CPAMD8: variants seen among roughly 807,000 people sequenced by gnomAD.
The protein encoded by CPAMD8 is C3 and PZP like alpha-2-macroglobulin domain containing 8, also known as C3 and PZP-like alpha-2-macroglobulin domain-containing protein 8.
CPAMD8 carries 146 observed loss-of-function variants against 224.7 expected under a neutral mutation model. The ratio of observed to expected loss-of-function variants is 0.65; its 90% confidence interval spans 0.57 to 0.75. The LOEUF is 0.75. Among genes scored for constraint, CPAMD8 ranks in the 30% least tolerant of loss-of-function variants. The pLI, the probability that CPAMD8 is intolerant of heterozygous loss-of-function variation, is 0.00. For missense variants in CPAMD8, 2,301 were observed against 2,537.5 expected (o/e 0.91, Z 2.00); for synonymous variants, 966 against 1,044.6 (o/e 0.92, Z 1.45).
chr19:16,918,331 G>C (rs974678702), intron 27 of CPAMD8, among the ~76,000 whole-genome samples: 1 of 151,858 alleles, frequency 6.6e-6, no homozygotes, highest in African/African-American at 2.4e-5. Context: ...TGATTACTTA[G>C]AACACCTAAT....
In CPAMD8 at chr19:16,989,730, C is replaced by T. The variant is rs771656726; in HGVS notation, c.1308G>A (p.Gln436=). 26 of 1,613,930 alleles carry T rather than the reference C, an allele frequency of 1.6e-5. No individual in the cohort carries two copies. In the African/African-American group the frequency reaches 1.9e-4, roughly 12 times the overall value. Residue 436 remains glutamine, a synonymous_variant, in exon 13 of 42, where the codon CAG becomes CAA. Coordinates refer to ENST00000443236, the MANE Select transcript of CPAMD8 (RefSeq NM_015692.5). ...CGAGGGAGAGGTAGCTGGGCAGGTACTGAGCCCCCACAGGCTTCCCGTTCA... is the reference window on the plus strand; with the variant it reads ...CGAGGGAGAGGTAGCTGGGCAGGTATTGAGCCCCCACAGGCTTCCCGTTCA... The part of the protein sequence containing the change: ...MALNGKPVGA[Q]YLPSYLSLGS...
intron 7 of CPAMD8, 77 bp from the exon 8 acceptor site, chr19:17,004,463 C>T: frequency 1.1e-6 from 1 of 906,686 alleles, no homozygotes; most frequent in Non-Finnish European, 1.8e-6. Context: ...GAGCCAGGAC[C>T]CTGCTCCTTC....
chr19:16,978,997 T>C (rs1421155395), intron 14 of CPAMD8, among the ~76,000 whole-genome samples: 1 of 147,910 alleles, frequency 6.8e-6, no homozygotes, highest in Non-Finnish European at 1.5e-5. Context: ...TCTATCCATC[T>C]GTTCATCCAT....
At chr19:16,990,970 C>T (rs1358354826) in intron 12 of CPAMD8, among the ~76,000 whole-genome samples, 2 of 150,946 alleles carry the variant, frequency 1.3e-5, no homozygotes, top group Non-Finnish European at 2.9e-5. Flanking sequence ...ACCAGAAAGG[C>T]CAGTTGTGTG....
chr19:16,973,038 G>A (rs539802001), intron 17 of CPAMD8, among the ~76,000 whole-genome samples: 59 of 152,084 alleles, frequency 3.9e-4, no homozygotes, highest in South Asian at 2.9e-3. Flanking sequence ...GCATGATGGC[G>A]TGTGTCTGTG....
chr19:16,949,207 T>C (rs559879745), intron 20 of CPAMD8, among the ~76,000 whole-genome samples: 15 of 152,088 alleles, frequency 9.9e-5, no homozygotes, highest in African/African-American at 3.4e-4. Flanking sequence ...GGGATGGTCA[T>C]ACAAGCTGGG....
intron 22 of CPAMD8, among the ~76,000 whole-genome samples, chr19:16,941,819 A>G (rs902271005): frequency 6.6e-6 from 1 of 152,108 alleles, no homozygotes; most frequent in African/African-American, 2.4e-5. Context: ...CTAAAAATAT[A>G]AAAATTATCC....
intron 23 of CPAMD8, among the ~76,000 whole-genome samples, chr19:16,930,743 G>C (rs1165372922): frequency 6.6e-6 from 1 of 152,126 alleles, no homozygotes; most frequent in African/African-American, 2.4e-5. Flanking sequence ...GTTCCAGAGA[G>C]GGGGCTAAGG....
intron 6 of CPAMD8, 135 bp from the exon 7 acceptor site, chr19:17,008,694 ACCCCGGGG>A (rs1599901160): frequency 1.0e-6 from 1 of 973,628 alleles, no homozygotes; most frequent in Non-Finnish European, 1.6e-6. Context: ...TTAATCATTA[ACCCCGGGG>A]CAAAAAAAAA....
Position 16,925,229 on chromosome 19 carries a change from C to A in CPAMD8, c.3514G>T (p.Val1172Leu). 1.2e-6 allele frequency: 2 copies of A among 1,614,222 alleles called. No individual in the cohort carries two copies. The highest frequency in any genetic ancestry group is 1.7e-6 in the Non-Finnish European group (2 of 1,180,042). Residue 1172 changes from valine (V) to leucine (L), a missense_variant, in exon 26 of 42, where the codon GTG (valine) becomes TTG (leucine). Transcript: ENST00000443236. ...LQKTQQLSPE[V>L]ERETTDYLVQ... is the part of the protein sequence containing the mutation. ...AGGTAGTCGGTGGTCTCTCTCTCCA[C>A]CTCAGGGCTGAGCTGCTGGGTTTTC...
chr19:17,010,979 C>T (rs1191603225), intron 5 of CPAMD8, among the ~76,000 whole-genome samples: 1 of 151,524 alleles, frequency 6.6e-6, no homozygotes, highest in Non-Finnish European at 1.5e-5. Context: ...GCCAAGATCG[C>T]ACCACTGCAC....
rs1420437492 is a variant in CPAMD8 at position 16,993,290 on chromosome 19, A to C, written c.1266+126T>G. 2.0e-5 allele frequency: 14 copies of C among 703,656 alleles called. No individual in the cohort carries two copies. The South Asian group carries it at 2.2e-4, about 11-fold the overall frequency. 43.6% of individuals were successfully genotyped at this position (703,656 alleles called of 1,614,324 possible). A position where few individuals can be genotyped will look rare whatever the true frequency, so the allele number is the denominator to read the frequency against. ...TGTTGTCCATCCCACTGTCTAGTGGAATGTGTACTCCTGCAGGGCTGGGAC... is the reference window on the plus strand; with the variant it reads ...TGTTGTCCATCCCACTGTCTAGTGGCATGTGTACTCCTGCAGGGCTGGGAC... On this transcript the variant is annotated intron_variant, in intron 12 of 41. Transcript: ENST00000443236.
intron 3 of CPAMD8, among the ~76,000 whole-genome samples, chr19:17,014,938 C>T (rs1051511439): frequency 6.6e-6 from 1 of 152,242 alleles, no homozygotes; most frequent in African/African-American, 2.4e-5. Flanking sequence ...GTGCACCCAC[C>T]TGTTCCTAAA....
chr19:16,922,809 C>T (rs1289683025), intron 26 of CPAMD8, among the ~76,000 whole-genome samples: 1 of 152,098 alleles, frequency 6.6e-6, no homozygotes, highest in African/African-American at 2.4e-5. Context: ...GAAACTGCTC[C>T]ACATCACATC....
At chr19:17,016,235 A>G (rs569060851) in intron 3 of CPAMD8, among the ~76,000 whole-genome samples, 1 of 152,272 alleles carries the variant, frequency 6.6e-6, no homozygotes, top group African/African-American at 2.4e-5. Context: ...GATTACAGGC[A>G]CCAGTCACTG....
rs200863824 is a variant in CPAMD8, at chr19:16,895,879, C to T, written c.5426+297G>A. 3.3e-5 allele frequency: 18 copies of T among 549,184 alleles called. No homozygotes were observed. In the East Asian group the frequency reaches 7.0e-4, roughly 21 times the overall value. 34.0% of individuals were successfully genotyped at this position (549,184 alleles called of 1,614,324 possible). A position where few individuals can be genotyped will look rare whatever the true frequency, so the allele number is the denominator to read the frequency against. On this transcript the variant is annotated intron_variant, in intron 41 of 41. Coordinates refer to ENST00000443236, the MANE Select transcript of CPAMD8 (RefSeq NM_015692.5). ...GCATTTCGGATAAGGGATCCTTGAC[C>T]CGTATGCGCGCGCGCGCGCGCACGC...
chr19:16,896,155 T>G (rs556239089), intron 41 of CPAMD8, 21 bp downstream of exon 41: 2 of 1,613,126 alleles, frequency 1.2e-6, no homozygotes, highest in Non-Finnish European at 1.7e-6. Context: ...CTCTTATCTC[T>G]GGGGTGGGCC....
chr19:16,897,971 G>T lies in CPAMD8; in HGVS notation c.4872C>A (p.Cys1624Ter). ...FDEIPSRCLT[C>*]VRFRALRECV... ...ACTCCCGGAGAGCACGGAACCGCAC[G>T]CACGTCAGGCACCGGCTGGGGATCT... Residue 1624 changes from cysteine to a stop codon, truncating the protein, a stop_gained, in exon 38 of 42, where the codon TGC (cysteine) becomes TGA (stop). Coordinates refer to ENST00000443236, the MANE Select transcript of CPAMD8 (RefSeq NM_015692.5). LOFTEE classifies it high-confidence loss of function. 1 of 1,610,966 alleles carries T rather than the reference G, an allele frequency of 6.2e-7. No homozygotes were observed. The highest frequency in any genetic ancestry group is 1.7e-5 in the Admixed American group (1 of 59,880).
intron 22 of CPAMD8, 75 bp from the exon 23 acceptor site, chr19:16,938,521 C>G (rs2053776148): frequency 2.6e-6 from 2 of 779,720 alleles, no homozygotes; most frequent in African/African-American, 3.6e-5. Context: ...GCAGCTGGCT[C>G]TCCCACAGCA....
Sources: gnomAD v4.1 joint callset for allele counts (sites outside exome capture counted in the v4.1 genomes callset) on GRCh38, gnomAD v4.1.1 for gene constraint, MANE v1.5 for transcripts, NCBI Gene and HGNC (gene_info 2026-07-23, HGNC 2026-07-21) for gene names.